AMD1: variants seen among roughly 807,000 people sequenced by gnomAD.
AMD1 encodes S-adenosylmethionine decarboxylase proenzyme.
In AMD1, 11 loss-of-function variants were observed where a neutral mutation model predicts 40.2. The ratio of observed to expected loss-of-function variants is 0.27; its 90% CI spans 0.17 to 0.45. The LOEUF (loss-of-function observed/expected upper bound fraction) is 0.45, where lower values mean the gene tolerates loss of function less well. AMD1 is among the 20% of genes least tolerant of loss of function. AMD1 has a pLI of 1.00. For missense variants in AMD1, 257 were observed against 410.2 expected, an observed-to-expected ratio of 0.63 and a Z score of 3.23; for synonymous variants, 121 against 130.8, an observed-to-expected ratio of 0.93 and a Z score of 0.51.
upstream of AMD1, among the ~76,000 whole-genome samples, chr6:110,874,043 T>A (rs1025898665): frequency 6.6e-6 from 1 of 152,268 alleles, no homozygotes; most frequent in Non-Finnish European, 1.5e-5. Context: ...CGGAGGCTGC[T>A]GTGCTCAGCC....
chr6:110,824,095 A>T, the AMD1 span, among the ~76,000 whole-genome samples: 11 of 152,236 alleles, frequency 7.2e-5, no homozygotes, highest in African/African-American at 2.4e-4. Context: ...ATAAGTTATT[A>T]TATCAAAAAG....
intron 1 of AMD1, chr6:110,875,589 G>T (rs1469822243): frequency 5.8e-6 from 1 of 172,586 alleles, no homozygotes; most frequent in Non-Finnish European, 1.2e-5. Flanking sequence ...CCCAGGTGGG[G>T]GTCGGGGGCG....
chr6:110,847,394 G>A, the AMD1 span, among the ~76,000 whole-genome samples: 6 of 151,158 alleles, frequency 4.0e-5, no homozygotes, highest in Non-Finnish European at 8.9e-5. Context: ...GCATGGTGGT[G>A]GGTGCCTGTA....
At chr6:110,862,562 G>A in the AMD1 span, among the ~76,000 whole-genome samples, 5 of 151,652 alleles carry the variant, frequency 3.3e-5, no homozygotes, top group South Asian at 2.1e-4. Flanking sequence ...TACCTCCTGG[G>A]TTCAAGCAAT....
intron 1 of AMD1, among the ~76,000 whole-genome samples, chr6:110,880,861 C>T (rs954750762): frequency 2.0e-5 from 3 of 151,882 alleles, no homozygotes; most frequent in Admixed American, 6.6e-5. Flanking sequence ...TTACTAGAGG[C>T]GGGTTTCGCT....
chr6:110,890,006 T>TA (rs1303069530), intron 3 of AMD1: 139 of 374,050 alleles, frequency 3.7e-4, no homozygotes, highest in Non-Finnish European at 4.7e-4. Context: ...CTGGGCTTTT[T>TA]AAAAAAAAGA....
the AMD1 span, among the ~76,000 whole-genome samples, chr6:110,862,994 G>A: frequency 6.6e-6 from 1 of 152,000 alleles, no homozygotes; most frequent in African/African-American, 2.4e-5. Flanking sequence ...ACCCAGGCTG[G>A]AGTGCAGTGG....
intron 2 of AMD1, chr6:110,888,386 A>T (rs993861346): frequency 6.6e-6 from 1 of 152,418 alleles, no homozygotes; most frequent in East Asian, 1.9e-4. Context: ...ATCTCCTCTC[A>T]CTGCAACCTC....
At chr6:110,869,111 G>A in the AMD1 span, among the ~76,000 whole-genome samples, 1 of 151,944 alleles carries the variant, frequency 6.6e-6, no homozygotes, top group Admixed American at 6.6e-5. Flanking sequence ...GCATTACAGT[G>A]TTGTTTCTTT....
chr6:110,835,082 G>A, the AMD1 span, among the ~76,000 whole-genome samples: 1 of 146,374 alleles, frequency 6.8e-6, no homozygotes, highest in African/African-American at 2.5e-5. Flanking sequence ...GCAGTGGCAC[G>A]ATCTTGGCTC....
chr6:110,874,309 G>A (rs1275161133), upstream of AMD1, among the ~76,000 whole-genome samples: 7 of 152,116 alleles, frequency 4.6e-5, no homozygotes, highest in Non-Finnish European at 2.9e-5. Flanking sequence ...GTTCGCCTTG[G>A]GAAAACACAC....
At chr6:110,874,434 A>AAC (rs1179546895), upstream of AMD1, among the ~76,000 whole-genome samples, 4 of 151,374 alleles carry the variant, frequency 2.6e-5, no homozygotes, top group African/African-American at 9.8e-5. Context: ...ACCCCTAAGG[A>AAC]CCCACCCATG....
chr6:110,865,405 T>C, the AMD1 span, among the ~76,000 whole-genome samples: 1 of 152,262 alleles, frequency 6.6e-6, no homozygotes, highest in Admixed American at 6.5e-5. Flanking sequence ...TTTTTTTGTT[T>C]GTTTATTTTC....
intron 1 of AMD1, among the ~76,000 whole-genome samples, chr6:110,877,144 AG>A (rs1785156411): frequency 6.6e-6 from 1 of 152,256 alleles, no homozygotes; most frequent in African/African-American, 2.4e-5. Flanking sequence ...TAAACTTTGA[AG>A]GACAAAATAT....
chr6:110,831,725 C>A, the AMD1 span, among the ~76,000 whole-genome samples: 1 of 152,312 alleles, frequency 6.6e-6, no homozygotes, highest in African/African-American at 2.4e-5. Flanking sequence ...CTTACAACAC[C>A]ACTCCTGTTT....
intron 8 of AMD1, 99 bp from the exon 9 acceptor site, chr6:110,893,377 C>A: frequency 6.7e-7 from 1 of 1,485,728 alleles, no homozygotes; most frequent in Non-Finnish European, 9.2e-7. Flanking sequence ...ACTCAGATGT[C>A]TTAGTTTCAT....
In AMD1 at chr6:110,874,826, T is replaced by C. The variant is rs999067945; in HGVS notation, c.-280T>C. The C allele has an allele frequency of 1.1e-5, 4 of 358,546 alleles. No homozygotes were observed. The highest frequency in any genetic ancestry group is 2.1e-5 in the Non-Finnish European group (4 of 194,890). The allele number at this position is 358,546 out of a possible 1,614,324, so 22.2% of individuals were successfully genotyped here. A position where few individuals can be genotyped will look rare whatever the true frequency, so the allele number is the denominator to read the frequency against. On this transcript the variant is annotated 5_prime_UTR_variant, in exon 1 of 9. Transcript: ENST00000368885. ...CGGCGACATTAGCTAGCGCTCGCTC[T>C]ACTCTCTCTAACGGGAAAGCAGCGG...
the AMD1 span, among the ~76,000 whole-genome samples, chr6:110,818,872 G>C: frequency 1.3e-5 from 2 of 152,154 alleles, no homozygotes; most frequent in Admixed American, 6.5e-5. Flanking sequence ...TAATTTAAAA[G>C]GCCTCACATT....
At chr6:110,860,844 C>CAT in the AMD1 span, among the ~76,000 whole-genome samples, 1 of 148,916 alleles carries the variant, frequency 6.7e-6, no homozygotes, top group Non-Finnish European at 1.5e-5. Context: ...CACACACACA[C>CAT]ACACACACAC....
Sources: gnomAD v4.1 joint callset for allele counts (sites outside exome capture counted in the v4.1 genomes callset) on GRCh38, gnomAD v4.1.1 for gene constraint, MANE v1.5 for transcripts, NCBI Gene and HGNC (gene_info 2026-07-23, HGNC 2026-07-21) for gene names.